Variants in PLXNB2 observed in about 807,000 individuals in gnomAD.
PLXNB2 encodes the protein plexin B2, also known as plexin-B2.
A neutral mutation model predicts 202.6 loss-of-function variants in PLXNB2; 85 were observed. The ratio of observed to expected loss-of-function variants is 0.42; its 90% CI spans 0.35 to 0.50. The LOEUF (loss-of-function observed/expected upper bound fraction) is 0.50. Ranked by LOEUF, PLXNB2 falls within the 20% of genes least tolerant of loss-of-function variation. The pLI, the probability that PLXNB2 is intolerant of heterozygous loss-of-function variation, is 0.02. For missense variants in PLXNB2, 2,063 were observed against 2,586.2 expected (o/e 0.80, Z 4.39); for synonymous variants, 1,239 against 1,137.6 (o/e 1.09, Z -1.79).
Position 50,282,757 on chromosome 22 carries a change from C to T in PLXNB2, c.2941G>A (p.Glu981Lys), listed in dbSNP as rs775951287. The T allele has an allele frequency of 3.3e-5, 53 of 1,612,194 alleles. No homozygotes were observed. Among genetic ancestry groups the T allele is most frequent in the Admixed American group, 2.8e-4 (17 of 59,916 alleles). Reference sequence around the variant, plus strand: ...TCGAAGGCTCGCAGTACGGGGTTTTCGCGGTAGGTGAAGAAGATGCCGGGG... The same window carrying T: ...TCGAAGGCTCGCAGTACGGGGTTTTTGCGGTAGGTGAAGAAGATGCCGGGG... ...PNPGIFFTYR[E>K]NPVLRAFEPL... Residue 981 changes from glutamate (E) to lysine (K), a missense_variant, in exon 18 of 37, where the codon GAA becomes AAA. Physicochemically the swap from Glu to Lys is moderately conservative, Grantham distance 56. Transcript: ENST00000359337.
chr22:50,276,602 T>A (rs541494731), intron 35 of PLXNB2, 27 bp downstream of exon 35: 1 of 1,588,656 alleles, frequency 6.3e-7, no homozygotes, highest in Non-Finnish European at 8.6e-7. Flanking sequence ...GGGAGGGCTG[T>A]GGGTGCGTCC....
chr22:50,307,470 C>G (rs2067931820), intron 1 of PLXNB2, 83 bp downstream of exon 1: 1 of 790,586 alleles, frequency 1.3e-6, no homozygotes, highest in Non-Finnish European at 1.5e-6. Context: ...GCGCGGCAGG[C>G]CCGGGCGGAG....
chr22:50,297,152 G>C lies in PLXNB2; in HGVS notation c.-73-2374C>G, dbSNP rs2067336595. 6.6e-6 allele frequency among the ~76,000 whole-genome samples: 1 copy of C among 152,196 alleles called. No individual in the cohort carries two copies. The highest frequency in any genetic ancestry group is 1.5e-5 in the Non-Finnish European group (1 of 68,024). ...ACTGGAGACTGCAGCTCCCGACGGA[G>C]GTGGCAGCCATGGCGGTGGCACGGT... On this transcript the variant is annotated intron_variant, in intron 1 of 36. Coordinates refer to ENST00000359337, the MANE Select transcript of PLXNB2 (RefSeq NM_012401.4). The surrounding 1 kb of genome is among the most constrained non-coding windows in gnomAD (Gnocchi z 5.3).
In PLXNB2 at chr22:50,275,458, C is replaced by G. The variant is rs761446370; in HGVS notation, c.*246G>C. On this transcript the variant is annotated 3_prime_UTR_variant, in exon 37 of 37. Transcript: ENST00000359337. ...CACTGGAGACTCGACAGTGAACACC[C>G]GATGCTGGTTCTGCGGCCGGAGGGA... 1.6e-6 allele frequency: 1 copy of G among 636,146 alleles called. No homozygotes were observed. 39.4% of individuals were successfully genotyped at this position (636,146 alleles called of 1,614,324 possible).
At position 50,280,976 on chromosome 22, in the gene PLXNB2, G is replaced by A. The variant is rs766547302; in HGVS notation, c.3764-3C>T. On this transcript the variant is annotated splice_polypyrimidine_tract_variant and splice_region_variant and intron_variant, in intron 23 of 36. Transcript: ENST00000359337. Reference sequence around the variant, plus strand: ...GTCCTCCATCTCGATCATCAGGTCTGGGGGGAGGCTGGCGTGAGACGTCCC... The same window carrying A: ...GTCCTCCATCTCGATCATCAGGTCTAGGGGGAGGCTGGCGTGAGACGTCCC... 3.5e-5 allele frequency: 56 copies of A among 1,611,348 alleles called. 1 individual carries two copies. Among genetic ancestry groups the A allele is most frequent in the Admixed American group, 3.3e-5 (2 of 59,980 alleles).
Position 50,293,465 on chromosome 22 carries a change from C to T in PLXNB2, c.-14+1254G>A, listed in dbSNP as rs571440427. On this transcript the variant is annotated intron_variant, in intron 2 of 36. Transcript: ENST00000359337. ...AGCGGGGGCAGGCAACGTCCAGGCC[C>T]CTCGGCCCTGCGCCCAGGCCTGCTG... is the stretch of plus-strand genomic sequence containing the variant. 8.5e-4 allele frequency among the ~76,000 whole-genome samples: 130 copies of T among 152,308 alleles called. No homozygotes were observed. The Middle Eastern group carries it at 0.014, about 16-fold the overall frequency.
Position 50,284,236 on chromosome 22 carries a change from C to T in PLXNB2, c.2182-23G>A. 6.2e-7 allele frequency: 1 copy of T among 1,606,600 alleles called. No homozygotes were observed. Among genetic ancestry groups the T allele is most frequent in the South Asian group, 1.1e-5 (1 of 90,980 alleles). On this transcript the variant is annotated intron_variant, in intron 12 of 36. Coordinates refer to ENST00000359337, the MANE Select transcript of PLXNB2 (RefSeq NM_012401.4). This position sits in a 1 kb window ranked among gnomAD's most constrained non-coding sequence, Gnocchi z 8.0. ...CAGCTGGGGGACACGCAGGGGCACA[C>T]TGCACTTCCTGCCCCCACAGAGGGG...
rs550273834 is a variant in PLXNB2 at position 50,287,945 on chromosome 22, G to C, written c.1473C>G (p.Val491=). 1 of 1,585,904 alleles carries C rather than the reference G, an allele frequency of 6.3e-7. No individual in the cohort carries two copies. The highest frequency in any genetic ancestry group is 8.6e-7 in the Non-Finnish European group (1 of 1,167,292). ...SQDPYCGWCV[V]EGRCTRKAEC... is the part of the protein sequence containing the mutation. The stretch of plus-strand genomic sequence containing the variant: ...CCACCCCAGGCACTCACCGTCCCTC[G>C]ACGACGCACCAGCCGCAGTAGGGGT... Residue 491 remains valine, a synonymous_variant, in exon 6 of 37, where the codon GTC becomes GTG. Transcript: ENST00000359337.
rs2066841592 is a variant in PLXNB2 at position 50,291,125 on chromosome 22, T to C, written c.-13-528A>G. Among the ~76,000 whole-genome samples, 1 of 152,122 alleles carries C rather than the reference T, an allele frequency of 6.6e-6. No individual in the cohort carries two copies. The highest frequency in any genetic ancestry group is 6.5e-5 in the Admixed American group (1 of 15,270). On this transcript the variant is annotated intron_variant, in intron 2 of 36. Transcript: ENST00000359337. This position sits in a 1 kb window ranked among gnomAD's most constrained non-coding sequence, Gnocchi z 4.3. ...GTGAGAGCGAGGGGTGCCCTGTGCATAGCCCAGCAAGTGCACATGCTGTTT... is the reference window on the plus strand; with the variant it reads ...GTGAGAGCGAGGGGTGCCCTGTGCACAGCCCAGCAAGTGCACATGCTGTTT...
chr22:50,288,530 G>A lies in PLXNB2; in HGVS notation c.1380+213C>T, dbSNP rs1036463043. On this transcript the variant is annotated intron_variant, in intron 5 of 36. Transcript: ENST00000359337. This position sits in a 1 kb window ranked among gnomAD's most constrained non-coding sequence, Gnocchi z 5.0. ...TGGTTGAGACCACAAAGGACAAACA[G>A]AAGGAGCGGCAGAGACGGGGCAGTG... 2.0e-5 allele frequency among the ~76,000 whole-genome samples: 3 copies of A among 152,078 alleles called. No homozygotes were observed. The highest frequency in any genetic ancestry group is 4.4e-5 in the Non-Finnish European group (3 of 68,002).
rs1477310736 is a variant in PLXNB2, at chr22:50,289,805, C to G, written c.780G>C (p.Leu260=). The stretch of plus-strand genomic sequence containing the variant: ...GGTCCCGGCACTGCAGGTCCATCTC[C>G]AGGTAGGAGTAGTAGTTGGGGTCTT... ...CREDPNYYSY[L]EMDLQCRDPD... Residue 260 remains leucine, a synonymous_variant, in exon 3 of 37, where the codon CTG becomes CTC. Transcript: ENST00000359337. The surrounding 1 kb of genome is among the most constrained non-coding windows in gnomAD (Gnocchi z 8.0). The G allele has an allele frequency of 6.2e-7, 1 of 1,613,202 alleles. No homozygotes were observed. The highest frequency in any genetic ancestry group is 1.1e-5 in the South Asian group (1 of 91,090).
In PLXNB2 at chr22:50,282,694, G is replaced by GCA. The variant is rs199880917; in HGVS notation, c.2987+16_2987+17insTG. On this transcript the variant is annotated intron_variant, in intron 18 of 36. Coordinates refer to ENST00000359337, the MANE Select transcript of PLXNB2 (RefSeq NM_012401.4). ...GGGTGTGGGGAGCAGAGGGGGGCGGGGGGACACCAGCCTCACCTGGCAAAG... is the reference window on the plus strand; with the variant it reads ...GGGTGTGGGGAGCAGAGGGGGGCGGGCAGGGACACCAGCCTCACCTGGCAAAG... 25 of 1,575,714 alleles carry GCA rather than the reference G, an allele frequency of 1.6e-5. No homozygotes were observed. Among genetic ancestry groups the GCA allele is most frequent in the African/African-American group, 6.7e-5 (5 of 74,152 alleles).
At position 50,275,076 on chromosome 22, in the gene PLXNB2, T is replaced by G. The variant is rs2065449366; in HGVS notation, c.*628A>C. ...CTGCTCCCAGTCCCCCCGGACTGGG[T>G]GGGGCTCTAGGGCAGCCTGTCTGAC... On this transcript the variant is annotated 3_prime_UTR_variant, in exon 37 of 37. Transcript: ENST00000359337. 4.8e-6 allele frequency: 1 copy of G among 208,454 alleles called. No individual in the cohort carries two copies. The highest frequency in any genetic ancestry group is 9.9e-6 in the Non-Finnish European group (1 of 101,116). 12.9% of individuals were successfully genotyped at this position (208,454 alleles called of 1,614,324 possible).
intron 26 of PLXNB2, 41 bp downstream of exon 26, chr22:50,279,964 C>T: frequency 6.6e-7 from 1 of 1,512,046 alleles, no homozygotes; most frequent in East Asian, 2.3e-5. Flanking sequence ...CAGCAGTCTG[C>T]CTCATCCCTC....
intron 7 of PLXNB2, 80 bp downstream of exon 7, chr22:50,287,587 C>T: frequency 7.3e-7 from 1 of 1,367,074 alleles, no homozygotes. Context: ...CCCTGCCTGT[C>T]CCAACAGCTC....
Position 50,289,760 on chromosome 22 carries a change from G to A in PLXNB2, c.825C>T (p.Ala275=). 6.2e-7 allele frequency: 1 copy of A among 1,612,876 alleles called. No individual in the cohort carries two copies. Among genetic ancestry groups the A allele is most frequent in the Non-Finnish European group, 8.5e-7 (1 of 1,180,000 alleles). ...QCRDPDIHAA[A]FGTCLAASVA... The stretch of plus-strand genomic sequence containing the variant: ...CGGAGGCGGCCAGGCAGGTGCCAAA[G>A]GCAGCGGCGTGGATGTCGGGGTCCC... Residue 275 remains alanine (A), a synonymous_variant, in exon 3 of 37, where the codon GCC becomes GCT. Coordinates refer to ENST00000359337, the MANE Select transcript of PLXNB2 (RefSeq NM_012401.4). This position sits in a 1 kb window ranked among gnomAD's most constrained non-coding sequence, Gnocchi z 8.0.
intron 25 of PLXNB2, 124 bp from the exon 26 acceptor site, chr22:50,280,195 C>A (rs1271942246): frequency 4.0e-6 from 3 of 744,038 alleles, no homozygotes; most frequent in Middle Eastern, 2.5e-4. Flanking sequence ...GTGTGGCCTG[C>A]AGCGAGGACT....
In PLXNB2 at chr22:50,293,090, G is replaced by A. The variant is rs140218829; in HGVS notation, c.-14+1629C>T. 9.6e-3 allele frequency among the ~76,000 whole-genome samples: 1,469 copies of A among 152,328 alleles called. 19 individuals are homozygous for A. Among genetic ancestry groups the A allele is most frequent in the Middle Eastern group, 0.044 (13 of 294 alleles). On this transcript the variant is annotated intron_variant, in intron 2 of 36. Coordinates refer to ENST00000359337, the MANE Select transcript of PLXNB2 (RefSeq NM_012401.4). ...GCCATGGGACCCCAGGCTTCACCAG[G>A]ATAGGGGTGATCAGCCAGGAAAAGA...
chr22:50,280,193 T>C, intron 25 of PLXNB2, 122 bp from the exon 26 acceptor site: 1 of 765,062 alleles, frequency 1.3e-6, no homozygotes, highest in Non-Finnish European at 2.1e-6. Flanking sequence ...GGGTGTGGCC[T>C]GCAGCGAGGA....
Sources: gnomAD v4.1 joint callset for allele counts (sites outside exome capture counted in the v4.1 genomes callset) on GRCh38, gnomAD v4.1.1 for gene constraint, Gnocchi (gnomAD v3.1) non-coding constraint, MANE v1.5 for transcripts, NCBI Gene and HGNC (gene_info 2026-07-23, HGNC 2026-07-21) for gene names.